Variants in KCTD16 observed in about 807,000 individuals in gnomAD.
KCTD16 encodes the protein potassium channel tetramerization domain containing 16.
In KCTD16, 13 loss-of-function variants were observed where a neutral mutation model predicts 33.2. The observed-to-expected ratio is 0.39, with a 90% CI of 0.25 to 0.62. The LOEUF (loss-of-function observed/expected upper bound fraction) is 0.62. KCTD16 is among the 20% of genes least tolerant of loss of function. The probability of loss-of-function intolerance (pLI) is 0.50; values close to 1 mark genes in which losing one functional copy is unlikely to be tolerated. For missense variants in KCTD16, 441 were observed against 525.1 expected (o/e 0.84, Z 1.57); for synonymous variants, 197 against 195.3 (o/e 1.01, Z -0.07).
intron 3 of KCTD16, among the ~76,000 whole-genome samples, chr5:144,356,183 C>G (rs1483496198): frequency 6.6e-6 from 1 of 152,096 alleles, no homozygotes; most frequent in African/African-American, 2.4e-5. Context: ...ACATGCCTGG[C>G]TATGTTTATT....
In KCTD16 at chr5:144,473,671, A is replaced by G. The variant is rs779094393; in HGVS notation, c.844A>G (p.Arg282Gly). Residue 282 changes from arginine to glycine, a missense_variant, in exon 4 of 4, where the codon AGA (arginine) becomes GGA (glycine). Arg to Gly is a moderately radical substitution (Grantham distance 125). This residue lies in a region of KCTD16 where 355 missense variants were observed against 413.0 expected (regional missense o/e 0.86). Coordinates refer to ENST00000512467, the MANE Select transcript of KCTD16 (RefSeq NM_020768.4). The stretch of plus-strand genomic sequence containing the variant: ...TGCTTTCTTTTCAGGTGAGCCTTCC[A>G]GATGGTCACCCTCACACTGCGATTG... ...TEYVFYREPSRWSPSHCDCCC... is the reference protein window; with the variant it reads ...TEYVFYREPSGWSPSHCDCCC... 3.1e-6 allele frequency: 5 copies of G among 1,596,714 alleles called. No individual in the cohort carries two copies. In the South Asian group the frequency reaches 5.6e-5, roughly 18 times the overall value.
At chr5:144,344,591 A>T (rs1752735052) in intron 3 of KCTD16, among the ~76,000 whole-genome samples, 1 of 151,484 alleles carries the variant, frequency 6.6e-6, no homozygotes, top group South Asian at 2.1e-4. Context: ...GCAGCCAAAA[A>T]ACACATGAAA....
At chr5:144,191,998 G>C (rs1752851096) in intron 2 of KCTD16, among the ~76,000 whole-genome samples, 1 of 152,156 alleles carries the variant, frequency 6.6e-6, no homozygotes, top group Non-Finnish European at 1.5e-5. Flanking sequence ...ATTTCTTGAG[G>C]CTACAGTGAG....
At chr5:144,173,705 G>A (rs575914229) in intron 1 of KCTD16, among the ~76,000 whole-genome samples, 1 of 152,068 alleles carries the variant, frequency 6.6e-6, no homozygotes, top group African/African-American at 2.4e-5. Context: ...AGCAATTAAC[G>A]TATTTATTTA....
At chr5:144,360,751 T>C (rs1260527955) in intron 3 of KCTD16, among the ~76,000 whole-genome samples, 1 of 152,166 alleles carries the variant, frequency 6.6e-6, no homozygotes, top group Admixed American at 6.5e-5. Context: ...TTTTTATGGC[T>C]GCATAGTATT....
Position 144,485,204 on chromosome 5 carries a change from C to T in KCTD16, c.*11090C>T, listed in dbSNP as rs1480790542. On this transcript the variant is annotated 3_prime_UTR_variant, in exon 4 of 4. Transcript: ENST00000512467. ...AAAAACATGATAGAAAATGCTACTA[C>T]TAATTGTCCCAATGGAATTGCACAT... 6.6e-6 allele frequency: 1 copy of T among 151,874 alleles called. No individual in the cohort carries two copies. The highest frequency in any genetic ancestry group is 2.4e-5 in the African/African-American group (1 of 41,384). The allele number at this position is 151,874 out of a possible 1,614,324, so 9.4% of individuals were successfully genotyped here. A position where few individuals can be genotyped will look rare whatever the true frequency, so the allele number is the denominator to read the frequency against.
At chr5:144,379,070 T>C (rs1752155193) in intron 3 of KCTD16, among the ~76,000 whole-genome samples, 1 of 152,234 alleles carries the variant, frequency 6.6e-6, no homozygotes, top group Non-Finnish European at 1.5e-5. Context: ...TCAGATGAAC[T>C]TTCTGCTTTC....
chr5:144,241,076 G>T (rs1754389514), intron 3 of KCTD16, among the ~76,000 whole-genome samples: 1 of 152,056 alleles, frequency 6.6e-6, no homozygotes, highest in Non-Finnish European at 1.5e-5. Flanking sequence ...GAACAGGGCA[G>T]AATTCTTCTA....
chr5:144,206,299 T>G (rs1354416795), intron 2 of KCTD16, 90 bp from the exon 3 acceptor site: 1 of 162,618 alleles, frequency 6.1e-6, no homozygotes, highest in Non-Finnish European at 1.3e-5. Context: ...CTCCCTCTGT[T>G]TTTCCCTCCC....
chr5:144,354,327 G>A (rs1008960109), intron 3 of KCTD16, among the ~76,000 whole-genome samples: 2 of 152,014 alleles, frequency 1.3e-5, no homozygotes, highest in African/African-American at 4.8e-5. Flanking sequence ...TTGTTCAATA[G>A]GTATTTTAAG....
Position 144,207,369 on chromosome 5 carries a change from C to T in KCTD16, c.655C>T (p.Pro219Ser), listed in dbSNP as rs544361716. ...LNESRDPDRA[P>S]ERYTSRFYLK... ...TGAAAGCAGAGACCCTGATCGAGCC[C>T]CAGAAAGATACACCTCCAGATTTTA... Residue 219 changes from proline (P) to serine (S), a missense_variant, in exon 3 of 4, where the codon CCA becomes TCA. By Grantham distance (74) the Pro-to-Ser change is moderately conservative. This residue lies in a region of KCTD16 where 355 missense variants were observed against 413.0 expected (regional missense o/e 0.86). Coordinates refer to ENST00000512467, the MANE Select transcript of KCTD16 (RefSeq NM_020768.4). The T allele has an allele frequency of 3.1e-6, 5 of 1,614,134 alleles. No homozygotes were observed. The highest frequency in any genetic ancestry group is 1.7e-5 in the Admixed American group (1 of 60,016).
chr5:144,456,635 C>T (rs1372274076), intron 3 of KCTD16, among the ~76,000 whole-genome samples: 2 of 152,150 alleles, frequency 1.3e-5, no homozygotes, highest in Non-Finnish European at 2.9e-5. Flanking sequence ...TTTGTTAATG[C>T]ATGATTCAAT....
chr5:144,183,862 T>C (rs1196748976), intron 2 of KCTD16, among the ~76,000 whole-genome samples: 1 of 152,250 alleles, frequency 6.6e-6, no homozygotes, highest in Non-Finnish European at 1.5e-5. Context: ...CATAATACTA[T>C]GTAGTATGTT....
At chr5:144,443,851 G>A (rs1380775135) in intron 3 of KCTD16, among the ~76,000 whole-genome samples, 1 of 151,760 alleles carries the variant, frequency 6.6e-6, no homozygotes, top group Admixed American at 6.6e-5. Flanking sequence ...ATATTTATGG[G>A]GTACATTAGA....
In KCTD16 at chr5:144,214,300, A is replaced by G. The variant is rs536666339; in HGVS notation, c.832+6754A>G. Among the ~76,000 whole-genome samples, 9 of 152,238 alleles carry G rather than the reference A, an allele frequency of 5.9e-5. No individual in the cohort carries two copies. The South Asian group carries it at 1.9e-3, about 32-fold the overall frequency. On this transcript the variant is annotated intron_variant, in intron 3 of 3. Transcript: ENST00000512467. ...CTTTATTGCTTTTCTATACTATTGC[A>G]AATGAGCTTAAATTGTTCTCCCCCT... is the stretch of plus-strand genomic sequence containing the variant.
chr5:144,459,989 C>T (rs1031220883), intron 3 of KCTD16, among the ~76,000 whole-genome samples: 9 of 151,892 alleles, frequency 5.9e-5, no homozygotes, highest in Non-Finnish European at 7.4e-5. Flanking sequence ...TCTGCCACCA[C>T]GCCTGGCTAA....
intron 3 of KCTD16, among the ~76,000 whole-genome samples, chr5:144,299,125 TATATATATATATATATATATATA>T (rs1561558608): frequency 2.2e-3 from 52 of 24,136 alleles, no homozygotes; most frequent in East Asian, 9.6e-3. Context: ...TATATATATA[TATATATATATATATATATATATA>T]TTTTTTTTTT....
intron 3 of KCTD16, among the ~76,000 whole-genome samples, chr5:144,269,611 T>A (rs1755240327): frequency 6.6e-6 from 1 of 151,936 alleles, no homozygotes; most frequent in Non-Finnish European, 1.5e-5. Flanking sequence ...CCCTGCAAAG[T>A]GAAGTTAAAG....
chr5:144,407,962 G>A (rs947194324), intron 3 of KCTD16, among the ~76,000 whole-genome samples: 2 of 152,152 alleles, frequency 1.3e-5, no homozygotes, highest in African/African-American at 4.8e-5. Flanking sequence ...CATTTGGATT[G>A]TTCCAAGTAT....
Sources: allele counts gnomAD v4.1 joint callset (sites outside exome capture counted in the v4.1 genomes callset), GRCh38; gene constraint gnomAD v4.1.1; regional missense constraint gnomAD v4.1.1; transcripts MANE v1.5; gene names NCBI Gene and HGNC (gene_info 2026-07-23, HGNC 2026-07-21).